The following NCOA4 variants were observed in gnomAD, a reference collection of about 807,000 sequenced individuals.
NCOA4 encodes nuclear receptor coactivator 4.
Under a neutral mutation model 69.5 loss-of-function variants are expected in NCOA4, and 31 were observed. That is an observed-to-expected ratio of 0.45 (90% CI 0.34 to 0.60). The LOEUF (loss-of-function observed/expected upper bound fraction) is 0.60, where lower values mean the gene tolerates loss of function less well. NCOA4 is among the 20% of genes least tolerant of loss of function. The pLI, the probability that NCOA4 is intolerant of heterozygous loss-of-function variation, is 0.02. For synonymous variants in NCOA4, 228 were observed against 252.4 expected (o/e 0.90, Z 0.92); for missense variants, 600 against 719.2 (o/e 0.83, Z 1.90).
At chr10:46,023,313 T>TGG in intron 1 of NCOA4, 1 of 985,512 alleles carries the variant, frequency 1.0e-6, no homozygotes, top group Non-Finnish European at 1.2e-6. Flanking sequence ...CTACGGCCCC[T>TGG]GGGCTGCCAG....
intron 1 of NCOA4, among the ~76,000 whole-genome samples, chr10:46,025,967 G>A (rs1284793615): frequency 6.6e-6 from 1 of 152,142 alleles, no homozygotes; most frequent in Non-Finnish European, 1.5e-5. Context: ...GTGTGCCACT[G>A]AATCGACATA....
intron 7 of NCOA4, 95 bp downstream of exon 7, chr10:46,012,788 C>A: frequency 7.7e-7 from 1 of 1,298,522 alleles, no homozygotes; most frequent in Non-Finnish European, 1.0e-6. Context: ...CAGACTGCAA[C>A]CAAAAAGTTA....
chr10:46,010,094 G>A (rs1187537856), intron 8 of NCOA4, 129 bp downstream of exon 8: 8 of 1,187,840 alleles, frequency 6.7e-6, no homozygotes, highest in South Asian at 1.6e-5. Flanking sequence ...CTGGAGCCTC[G>A]GAAGGGGAGG....
chr10:46,015,683 C>T (rs150548082), intron 2 of NCOA4, among the ~76,000 whole-genome samples: 10 of 152,262 alleles, frequency 6.6e-5, no homozygotes, highest in East Asian at 1.9e-4. Flanking sequence ...TAAAAACCTA[C>T]GGTTTTACAA....
intron 1 of NCOA4, chr10:46,027,612 G>T: frequency 2.6e-6 from 2 of 772,424 alleles, no homozygotes; most frequent in Non-Finnish European, 4.2e-6. Flanking sequence ...AATAAAAAAT[G>T]CCATGGCCTT....
In NCOA4 at chr10:46,010,809, T is replaced by C. The variant is rs1554921191; in HGVS notation, c.1112A>G (p.Asp371Gly). 6.2e-7 allele frequency: 1 copy of C among 1,613,948 alleles called. No homozygotes were observed. The highest frequency in any genetic ancestry group is 1.7e-5 in the Admixed American group (1 of 60,018). Residue 371 changes from aspartate (D) to glycine (G), a missense_variant, in exon 8 of 10, where the codon GAC becomes GGC. Physicochemically the swap from Asp to Gly is moderately conservative, Grantham distance 94. Coordinates refer to ENST00000581486, the MANE Select transcript of NCOA4 (RefSeq NM_001145263.2). Reference sequence around the variant, plus strand: ...CAATGGTTTCTTGGCCTCCAAGTGGTCATTCAGGCACTTCAGATTGCCCAG... The same window carrying C: ...CAATGGTTTCTTGGCCTCCAAGTGGCCATTCAGGCACTTCAGATTGCCCAG... ...ENLGNLKCLNDHLEAKKPLST... is the reference protein window; with the variant it reads ...ENLGNLKCLNGHLEAKKPLST...
At chr10:46,012,105 G>GAAAAA (rs1839267522) in intron 7 of NCOA4, among the ~76,000 whole-genome samples, 66 of 50,028 alleles carry the variant, frequency 1.3e-3, no homozygotes, top group East Asian at 2.4e-3. Context: ...AAAAAAAAAC[G>GAAAAA]AAAAAAGAAA....
In NCOA4 at chr10:46,005,089, A is replaced by G. The variant is rs1211904951; in HGVS notation, c.*1503T>C. The G allele has an allele frequency of 1.6e-5, 3 of 184,750 alleles. No homozygotes were observed. The highest frequency in any genetic ancestry group is 3.4e-5 in the Non-Finnish European group (3 of 87,088). The allele number at this position is 184,750 out of a possible 1,614,324, so 11.4% of individuals were successfully genotyped here. A position where few individuals can be genotyped will look rare whatever the true frequency, so the allele number is the denominator to read the frequency against. On this transcript the variant is annotated 3_prime_UTR_variant, in exon 10 of 10. Transcript: ENST00000581486. ...GTTTTAAAAATAACACGCAACAACTATGGCTGTTATGCTTTTAATGGAAGC... is the reference window on the plus strand; with the variant it reads ...GTTTTAAAAATAACACGCAACAACTGTGGCTGTTATGCTTTTAATGGAAGC...
At chr10:46,025,554 T>C (rs1840113821) in intron 1 of NCOA4, among the ~76,000 whole-genome samples, 1 of 152,248 alleles carries the variant, frequency 6.6e-6, no homozygotes, top group South Asian at 2.1e-4. Flanking sequence ...CCTAATCTAC[T>C]GGACAGCTTT....
In NCOA4 at chr10:46,014,926, T is replaced by C. The variant is rs574536748; in HGVS notation, c.299A>G (p.Asn100Ser). The change falls in exon 4 of 10, where the codon AAT (asparagine) becomes AGT (serine). Residue 100 changes from asparagine (N) to serine (S), a missense_variant. Transcript: ENST00000581486. Reference sequence around the variant, plus strand: ...ACACTCCAGTTGATGAGTAAGACAATTGAACTGGCCCAATAACTAAAAGAA... The same window carrying C: ...ACACTCCAGTTGATGAGTAAGACAACTGAACTGGCCCAATAACTAAAAGAA... ...QQLYSLLGQF[N>S]CLTHQLECTQ... The C allele has an allele frequency of 3.7e-5, 59 of 1,613,880 alleles. No individual in the cohort carries two copies. The highest frequency in any genetic ancestry group is 1.0e-4 in the Admixed American group (6 of 59,986).
At chr10:46,025,917 G>A (rs1840137951) in intron 1 of NCOA4, among the ~76,000 whole-genome samples, 1 of 152,184 alleles carries the variant, frequency 6.6e-6, no homozygotes, top group Non-Finnish European at 1.5e-5. Context: ...CAGACAACCT[G>A]GTATCAGTAC....
chr10:46,018,330 G>A (rs1371508511), intron 1 of NCOA4, among the ~76,000 whole-genome samples: 2 of 152,200 alleles, frequency 1.3e-5, no homozygotes, highest in African/African-American at 2.4e-5. Flanking sequence ...GGGCAAGGAA[G>A]AGAATAATTC....
chr10:46,007,780 G>T (rs1366619461), intron 9 of NCOA4, among the ~76,000 whole-genome samples: 1 of 151,660 alleles, frequency 6.6e-6, no homozygotes, highest in Non-Finnish European at 1.5e-5. Context: ...GTACAGACAG[G>T]GTCTCTGTAT....
At chr10:46,022,557 T>C (rs1554924670) in intron 1 of NCOA4, 5 of 424,170 alleles carry the variant, frequency 1.2e-5, no homozygotes, top group South Asian at 8.9e-5. Flanking sequence ...ACCTCCCGGC[T>C]TCATACCATT....
At chr10:46,028,078 T>C (rs1178979171) in intron 1 of NCOA4, among the ~76,000 whole-genome samples, 1 of 152,166 alleles carries the variant, frequency 6.6e-6, no homozygotes, top group Non-Finnish European at 1.5e-5. Flanking sequence ...CTTACTCTTC[T>C]CCTCCTGCTG....
chr10:46,014,421 G>A, intron 5 of NCOA4, 23 bp downstream of exon 5: 1 of 1,527,844 alleles, frequency 6.5e-7, no homozygotes, highest in Non-Finnish European at 9.0e-7. Flanking sequence ...GAAGTGCCCA[G>A]TGAAGCATAT....
Position 46,015,864 on chromosome 10 carries a change from T to C in NCOA4, c.142-598A>G, listed in dbSNP as rs528278539. On this transcript the variant is annotated intron_variant, in intron 2 of 9. Transcript: ENST00000581486. Reference sequence around the variant, plus strand: ...AGGGTAGACAATTTAAGTAAAATTATAAACTAATATTTCTGGAAGCATAAA... The same window carrying C: ...AGGGTAGACAATTTAAGTAAAATTACAAACTAATATTTCTGGAAGCATAAA... Among the ~76,000 whole-genome samples, 4 of 152,278 alleles carry C rather than the reference T, an allele frequency of 2.6e-5. No homozygotes were observed. The East Asian group carries it at 7.7e-4, about 29-fold the overall frequency.
intron 8 of NCOA4, 72 bp from the exon 9 acceptor site, chr10:46,009,623 G>A: frequency 1.5e-6 from 2 of 1,357,016 alleles, no homozygotes; most frequent in Non-Finnish European, 2.0e-6. Context: ...CTTCCAAATA[G>A]GGTCTACAGA....
At chr10:46,006,620 G>GA in intron 9 of NCOA4, 23 bp from the exon 10 acceptor site, 1 of 1,613,728 alleles carries the variant, frequency 6.2e-7, no homozygotes, top group East Asian at 2.2e-5. Context: ...ACCCACAGAT[G>GA]ATAAGTTACT....
Sources: gnomAD v4.1 joint callset for allele counts (sites outside exome capture counted in the v4.1 genomes callset) on GRCh38, gnomAD v4.1.1 for gene constraint, MANE v1.5 for transcripts, NCBI Gene and HGNC (gene_info 2026-07-23, HGNC 2026-07-21) for gene names.